Variants in IYD observed in about 807,000 individuals in gnomAD.
IYD encodes the protein iodotyrosine deiodinase 1.
In IYD, 25 loss-of-function variants were observed where a neutral mutation model predicts 28.4. The ratio of observed to expected loss-of-function variants is 0.88; its 90% CI spans 0.64 to 1.23. The LOEUF is 1.23. Among genes scored for constraint, IYD ranks in the 50% most tolerant of loss-of-function variants. IYD has a pLI of 0.00. For missense variants in IYD, 352 were observed against 357.9 expected (o/e 0.98, Z 0.13); for synonymous variants, 140 against 130.8 (o/e 1.07, Z -0.48).
Position 150,404,642 on chromosome 6 carries a change from G to A in IYD, c.*6405G>A, listed in dbSNP as rs1303248796. 3.3e-5 allele frequency: 5 copies of A among 152,166 alleles called. No homozygotes were observed. Among genetic ancestry groups the A allele is most frequent in the Admixed American group, 1.3e-4 (2 of 15,280 alleles). 9.4% of individuals were successfully genotyped at this position (152,166 alleles called of 1,614,324 possible). ...CCTATAACTAAGACTGATGCTTTAA[G>A]GGAGTTTGGCTTATTCAACTTGAGT... is the stretch of plus-strand genomic sequence containing the variant. On this transcript the variant is annotated 3_prime_UTR_variant, in exon 5 of 5. Coordinates refer to ENST00000344419, the MANE Select transcript of IYD (RefSeq NM_203395.3).
intron 1 of IYD, among the ~76,000 whole-genome samples, chr6:150,382,015 A>G (rs1437487716): frequency 2.0e-5 from 3 of 152,152 alleles, no homozygotes; most frequent in African/African-American, 7.2e-5. Context: ...CATGGTGTGA[A>G]GGGCCTGATG....
rs534564866 is a variant in IYD, at chr6:150,370,301, G to A, written c.178+1092G>A. Among the ~76,000 whole-genome samples, 549 of 151,860 alleles carry A rather than the reference G, an allele frequency of 3.6e-3. 3 individuals are homozygous for A. The highest frequency in any genetic ancestry group is 0.012 in the African/African-American group (516 of 41,366). On this transcript the variant is annotated intron_variant, in intron 1 of 4. Coordinates refer to ENST00000344419, the MANE Select transcript of IYD (RefSeq NM_203395.3). ...CATTAATGTGCATGTGTGAGTGTGTGTGCATGAGTGTGTGTGCACGAGTGG... is the reference window on the plus strand; with the variant it reads ...CATTAATGTGCATGTGTGAGTGTGTATGCATGAGTGTGTGTGCACGAGTGG...
At chr6:150,375,960 A>T (rs1470720431) in intron 1 of IYD, among the ~76,000 whole-genome samples, 1 of 152,236 alleles carries the variant, frequency 6.6e-6, no homozygotes, top group Non-Finnish European at 1.5e-5. Flanking sequence ...CTGTAAAAAC[A>T]CTAAAGCAAT....
intron 3 of IYD, among the ~76,000 whole-genome samples, chr6:150,393,200 G>A (rs897275143): frequency 6.6e-6 from 1 of 152,202 alleles, no homozygotes; most frequent in Admixed American, 6.5e-5. Context: ...GGGTACACAA[G>A]AGTACATTTT....
chr6:150,391,860 C>G (rs531120481), intron 2 of IYD, among the ~76,000 whole-genome samples: 10 of 152,092 alleles, frequency 6.6e-5, no homozygotes, highest in African/African-American at 2.2e-4. Context: ...AGGCGCCCAC[C>G]ACCACACCCG....
chr6:150,370,220 C>CGCGT lies in IYD; in HGVS notation c.178+1012_178+1013insCGTG, dbSNP rs1554229271. The stretch of plus-strand genomic sequence containing the variant: ...TTATGAATGTGCATGTGTGTGTGCG[C>CGCGT]GTGCGTGTGTGTGTGTGCATGAGAG... On this transcript the variant is annotated intron_variant, in intron 1 of 4. Coordinates refer to ENST00000344419, the MANE Select transcript of IYD (RefSeq NM_203395.3). Among the ~76,000 whole-genome samples the CGCGT allele has an allele frequency of 8.3e-5, 12 of 145,096 alleles. No homozygotes were observed. In the East Asian group the frequency reaches 2.6e-3, roughly 31 times the overall value.
chr6:150,383,374 T>C (rs568232525), intron 1 of IYD, among the ~76,000 whole-genome samples: 11 of 152,294 alleles, frequency 7.2e-5, no homozygotes, highest in Non-Finnish European at 1.5e-5. Flanking sequence ...TCTTGGTAAT[T>C]GGAAAATACA....
chr6:150,386,592 C>G (rs554082729), intron 1 of IYD, among the ~76,000 whole-genome samples: 1 of 151,782 alleles, frequency 6.6e-6, no homozygotes, highest in Non-Finnish European at 1.5e-5. Flanking sequence ...TTTTTTTCTT[C>G]TGCTTATTCT....
In IYD at chr6:150,396,581, A is replaced by T. The variant is rs556604376; in HGVS notation, c.688-1474A>T. 3.1e-4 allele frequency: 203 copies of T among 645,274 alleles called. No homozygotes were observed. In the African/African-American group the frequency reaches 3.3e-3, roughly 11 times the overall value. 40.0% of individuals were successfully genotyped at this position (645,274 alleles called of 1,614,324 possible). A position where few individuals can be genotyped will look rare whatever the true frequency, so the allele number is the denominator to read the frequency against. On this transcript the variant is annotated intron_variant, in intron 4 of 4. Coordinates refer to ENST00000344419, the MANE Select transcript of IYD (RefSeq NM_203395.3). ...TAAGGTGTAAATATTTTCTCAAAAAAGTTTAAGACTTGGCCAGGTGCGGTG... is the reference window on the plus strand; with the variant it reads ...TAAGGTGTAAATATTTTCTCAAAAATGTTTAAGACTTGGCCAGGTGCGGTG...
chr6:150,377,599 G>T (rs1327412587), intron 1 of IYD, among the ~76,000 whole-genome samples: 1 of 152,188 alleles, frequency 6.6e-6, no homozygotes, highest in African/African-American at 2.4e-5. Flanking sequence ...GTAACAGTTT[G>T]CTTCCTTCTG....
chr6:150,379,485 C>T (rs894354570), intron 1 of IYD, among the ~76,000 whole-genome samples: 5 of 152,158 alleles, frequency 3.3e-5, no homozygotes, highest in Non-Finnish European at 7.4e-5. Context: ...CTCTTTGTAC[C>T]ATCCCTTCTT....
chr6:150,398,584 A>G lies in IYD; in HGVS notation c.*347A>G. ...CAATCAGAAATTTACCATAGTCCCA[A>G]GAATTCAGCTACATGATGACTCGAA... On this transcript the variant is annotated 3_prime_UTR_variant, in exon 5 of 5. Transcript: ENST00000344419. 1 of 207,676 alleles carries G rather than the reference A, an allele frequency of 4.8e-6. No individual in the cohort carries two copies. Among genetic ancestry groups the G allele is most frequent in the Non-Finnish European group, 9.7e-6 (1 of 102,892 alleles). 12.9% of individuals were successfully genotyped at this position (207,676 alleles called of 1,614,324 possible).
chr6:150,397,770 T>C (rs1778377644), intron 4 of IYD, among the ~76,000 whole-genome samples: 1 of 145,314 alleles, frequency 6.9e-6, no homozygotes, highest in Non-Finnish European at 1.5e-5. Flanking sequence ...TATTTTTCTG[T>C]AAAATAACCA....
intron 1 of IYD, among the ~76,000 whole-genome samples, chr6:150,370,207 A>ATG (rs979891408): frequency 3.4e-5 from 5 of 146,302 alleles, no homozygotes; most frequent in Non-Finnish European, 5.9e-5. Flanking sequence ...ATGAATGTGC[A>ATG]TGTGTGTGTG....
rs774663395 is a variant in IYD, at chr6:150,395,685, A to T, written c.687+1430A>T. 171 of 843,372 alleles carry T rather than the reference A, an allele frequency of 2.0e-4. 1 individual carries two copies. Among genetic ancestry groups the T allele is most frequent in the Admixed American group, 1.3e-3 (64 of 50,164 alleles). The allele number at this position is 843,372 out of a possible 1,614,324, so 52.2% of individuals were successfully genotyped here. ...AGTGATGGAGGAAAGAAAAATCTCCATGAAGCCCGCATCTCCAGTATGGTG... is the reference window on the plus strand; with the variant it reads ...AGTGATGGAGGAAAGAAAAATCTCCTTGAAGCCCGCATCTCCAGTATGGTG... On this transcript the variant is annotated intron_variant, in intron 4 of 4. Transcript: ENST00000344419.
In IYD at chr6:150,394,253, C is replaced by T; in HGVS notation, c.685C>T (p.Gln229Ter). 1 of 1,614,066 alleles carries T rather than the reference C, an allele frequency of 6.2e-7. No individual in the cohort carries two copies. Among genetic ancestry groups the T allele is most frequent in the Non-Finnish European group, 8.5e-7 (1 of 1,179,964 alleles). The stretch of plus-strand genomic sequence containing the variant: ...TTGTGGCATCCTGCTAGCTGCCCTG[C>T]AGGTATGTTGAGACATCAAGGGTTA... ...IACGILLAALQNAGLVTVTTT... is the reference protein window; with the variant it reads ...IACGILLAAL The change falls in exon 4 of 5, where the codon CAG (glutamine) becomes TAG (stop). Residue 229 changes from glutamine to a stop codon, truncating the protein, a stop_gained and splice_region_variant. Transcript: ENST00000344419. LOFTEE classifies it high-confidence loss of function.
intron 1 of IYD, among the ~76,000 whole-genome samples, chr6:150,369,826 T>C (rs1269053302): frequency 6.6e-6 from 1 of 151,926 alleles, no homozygotes; most frequent in Admixed American, 6.6e-5. Context: ...AGGGTACAAA[T>C]AGCAAGTGCT....
intron 1 of IYD, among the ~76,000 whole-genome samples, chr6:150,374,361 T>A (rs1479778238): frequency 6.6e-6 from 1 of 152,192 alleles, no homozygotes; most frequent in African/African-American, 2.4e-5. Flanking sequence ...TAACGTGGTC[T>A]AATGGCAATA....
chr6:150,382,255 C>T (rs1777672333), intron 1 of IYD, among the ~76,000 whole-genome samples: 1 of 152,082 alleles, frequency 6.6e-6, no homozygotes, highest in Non-Finnish European at 1.5e-5. Context: ...TCAAAATAGC[C>T]CTTGCTGTGG....
Sources: gnomAD v4.1 joint callset for allele counts (sites outside exome capture counted in the v4.1 genomes callset) on GRCh38, gnomAD v4.1.1 for gene constraint, MANE v1.5 for transcripts, NCBI Gene and HGNC (gene_info 2026-07-23, HGNC 2026-07-21) for gene names.